Variants in LAMB1 observed in about 807,000 individuals in gnomAD.
LAMB1 encodes the protein laminin subunit beta-1.
Under a neutral mutation model 222.3 loss-of-function variants are expected in LAMB1, and 121 were observed. The ratio of observed to expected loss-of-function variants is 0.54; its 90% CI spans 0.47 to 0.63. The LOEUF (loss-of-function observed/expected upper bound fraction) is 0.63, where lower values mean the gene tolerates loss of function less well. LAMB1 is among the 30% of genes least tolerant of loss of function. LAMB1 has a pLI of 0.00. For synonymous variants in LAMB1, 794 were observed against 807.2 expected (o/e 0.98, Z 0.28); for missense variants, 2,172 against 2,240.8 (o/e 0.97, Z 0.62).
At position 107,974,971 on chromosome 7, in the gene LAMB1, T is replaced by G; in HGVS notation, c.1482+15A>C. 5 of 1,438,096 alleles carry G rather than the reference T, an allele frequency of 3.5e-6. No homozygotes were observed. The highest frequency in any genetic ancestry group is 4.9e-6 in the Non-Finnish European group (5 of 1,022,428). The allele number at this position is 1,438,096 out of a possible 1,614,324, so 89.1% of individuals were successfully genotyped here. ...CTCACCAACCACCCATCCCACGTAA[T>G]GAGGATTTACTTACCAGGCACTGGT... On this transcript the variant is annotated intron_variant, in intron 12 of 33. Transcript: ENST00000222399.
chr7:107,962,391 ACTAC>A, intron 15 of LAMB1, among the ~76,000 whole-genome samples: 1 of 152,290 alleles, frequency 6.6e-6, no homozygotes, highest in South Asian at 2.1e-4. Flanking sequence ...ACAAAAGATC[ACTAC>A]GTTTGAGAAA....
At chr7:107,983,794 G>A (rs2034020213) in intron 7 of LAMB1, among the ~76,000 whole-genome samples, 1 of 151,942 alleles carries the variant, frequency 6.6e-6, no homozygotes, top group Admixed American at 6.6e-5. Flanking sequence ...GGGATTACAG[G>A]TGTGAGCCAC....
Position 107,959,750 on chromosome 7 carries a change from C to T in LAMB1, c.2399G>A (p.Gly800Glu). Residue 800 changes from glycine to glutamate, a missense_variant, in exon 19 of 34, where the codon GGA (glycine) becomes GAA (glutamate). Gly to Glu is a moderately conservative substitution (Grantham distance 98, BLOSUM62 -2). Transcript: ENST00000222399. ...GQCQCRPNVV[G>E]RTCNRCAPGT... ...AGGTGCACATCTGTTGCAGGTTCTT[C>T]CAACCACGTTGGGCCGGCACTGGCA... is the stretch of plus-strand genomic sequence containing the variant. 6.2e-7 allele frequency: 1 copy of T among 1,614,194 alleles called. No individual in the cohort carries two copies. Among genetic ancestry groups the T allele is most frequent in the Non-Finnish European group, 8.5e-7 (1 of 1,180,038 alleles).
intron 24 of LAMB1, among the ~76,000 whole-genome samples, chr7:107,949,269 A>G (rs759995878): frequency 1.3e-5 from 2 of 152,256 alleles, no homozygotes; most frequent in Non-Finnish European, 1.5e-5. Flanking sequence ...TCTAAGGACC[A>G]CATGAACAAT....
chr7:107,932,453 G>C (rs976099702), intron 27 of LAMB1, 76 bp from the exon 28 acceptor site: 2 of 1,448,808 alleles, frequency 1.4e-6, no homozygotes, highest in African/African-American at 2.8e-5. Flanking sequence ...GCAGGGCCTG[G>C]GTGGCCCCAG....
At chr7:107,986,509 T>C in intron 5 of LAMB1, 146 bp from the exon 6 acceptor site, 1 of 651,376 alleles carries the variant, frequency 1.5e-6, no homozygotes, top group South Asian at 2.5e-5. Context: ...GGATTTCAAA[T>C]AATTCAAGCT....
chr7:107,994,408 C>T (rs2034242614), intron 5 of LAMB1, among the ~76,000 whole-genome samples: 1 of 152,114 alleles, frequency 6.6e-6, no homozygotes, highest in Admixed American at 6.5e-5. Context: ...TGGTAAAGCA[C>T]AAGTCGAATG....
chr7:107,955,457 C>A lies in LAMB1; in HGVS notation c.2854+10G>T. 6.2e-7 allele frequency: 1 copy of A among 1,608,632 alleles called. No individual in the cohort carries two copies. The highest frequency in any genetic ancestry group is 1.3e-5 in the African/African-American group (1 of 74,880). On this transcript the variant is annotated intron_variant, in intron 21 of 33. Coordinates refer to ENST00000222399, the MANE Select transcript of LAMB1 (RefSeq NM_002291.3). ...CTCTCTTTGCCTCCCAAAGTATGCACACGACTTACCAATGTATCCAGGATC... is the reference window on the plus strand; with the variant it reads ...CTCTCTTTGCCTCCCAAAGTATGCAAACGACTTACCAATGTATCCAGGATC...
intron 5 of LAMB1, among the ~76,000 whole-genome samples, chr7:107,994,656 A>C (rs1330170290): frequency 1.3e-5 from 2 of 152,256 alleles, no homozygotes; most frequent in Non-Finnish European, 2.9e-5. Context: ...AAAAGTTTAC[A>C]GTTGAATTAC....
At chr7:107,979,605 T>C (rs903931241) in intron 8 of LAMB1, among the ~76,000 whole-genome samples, 3 of 152,078 alleles carry the variant, frequency 2.0e-5, no homozygotes, top group African/African-American at 7.3e-5. Context: ...TAGATACTAA[T>C]AGAATAAACT....
At chr7:107,996,990 C>A (rs2034292533) in intron 4 of LAMB1, among the ~76,000 whole-genome samples, 1 of 152,124 alleles carries the variant, frequency 6.6e-6, no homozygotes, top group Admixed American at 6.5e-5. Flanking sequence ...CCAAAATATG[C>A]CCCCGTAAGA....
Position 107,923,911 on chromosome 7 carries a change from T to G in LAMB1, c.*40A>C, listed in dbSNP as rs1301750685. The G allele has an allele frequency of 6.4e-7, 1 of 1,563,314 alleles. No homozygotes were observed. The highest frequency in any genetic ancestry group is 1.4e-5 in the African/African-American group (1 of 71,586). Reference sequence around the variant, plus strand: ...TAAGTCAGTTTTTAAAATGTAGTTGTTTTACCTTGTTCACCTCAGCCATTT... The same window carrying G: ...TAAGTCAGTTTTTAAAATGTAGTTGGTTTACCTTGTTCACCTCAGCCATTT... On this transcript the variant is annotated 3_prime_UTR_variant, in exon 34 of 34. Transcript: ENST00000222399.
At chr7:107,962,175 A>T (rs1412368354) in intron 15 of LAMB1, among the ~76,000 whole-genome samples, 1 of 152,094 alleles carries the variant, frequency 6.6e-6, no homozygotes. Context: ...ATTCTCTAGG[A>T]AAACGTTTTG....
At chr7:107,926,109 A>ACT in intron 32 of LAMB1, 74 bp downstream of exon 32, 1 of 1,147,774 alleles carries the variant, frequency 8.7e-7, no homozygotes, top group Non-Finnish European at 1.3e-6. Context: ...CATGTCCCTT[A>ACT]CTCTAAGGCA....
rs757533163 is a variant in LAMB1, at chr7:107,924,249, G to A, written c.5205C>T (p.Ser1735=). 8.7e-6 allele frequency: 14 copies of A among 1,610,726 alleles called. No homozygotes were observed. The South Asian group carries it at 1.4e-4, about 17-fold the overall frequency. Residue 1735 remains serine (S), a synonymous_variant, in exon 33 of 34, where the codon AGC becomes AGT. Transcript: ENST00000222399. ...EAKTLLAQAN[S]KLQLLKDLER... ...ACCCACCTTTGAGCAGTTGCAGCTT[G>A]CTATTTGCTTGAGCTAAAAGAGTTT... is the stretch of plus-strand genomic sequence containing the variant.
intron 22 of LAMB1, among the ~76,000 whole-genome samples, chr7:107,953,287 G>A (rs2033298981): frequency 6.6e-6 from 1 of 151,832 alleles, no homozygotes; most frequent in Non-Finnish European, 1.5e-5. Flanking sequence ...AACTCTGGAG[G>A]CAGAGGTTAT....
At chr7:107,998,748 G>A (rs2034326662) in intron 3 of LAMB1, among the ~76,000 whole-genome samples, 1 of 152,288 alleles carries the variant, frequency 6.6e-6, no homozygotes, top group South Asian at 2.1e-4. Flanking sequence ...GTTTCCACAA[G>A]CTATTAATTT....
chr7:107,995,006 T>C, intron 4 of LAMB1, 46 bp from the exon 5 acceptor site: 1 of 1,033,334 alleles, frequency 9.7e-7, no homozygotes, highest in South Asian at 1.4e-5. Flanking sequence ...AAACTGTAAA[T>C]AGAAACATCT....
intron 5 of LAMB1, among the ~76,000 whole-genome samples, chr7:107,992,506 T>C (rs1410715798): frequency 6.6e-6 from 1 of 152,220 alleles, no homozygotes; most frequent in African/African-American, 2.4e-5. Context: ...CAGTAAACAT[T>C]TGTAGAGCAA....
Sources: gnomAD v4.1 joint callset for allele counts (sites outside exome capture counted in the v4.1 genomes callset) on GRCh38, gnomAD v4.1.1 for gene constraint, MANE v1.5 for transcripts, NCBI Gene and HGNC (gene_info 2026-07-23, HGNC 2026-07-21) for gene names.